Variants in CDK6 observed in about 807,000 individuals in gnomAD.
CDK6 encodes cyclin dependent kinase 6, also known as cyclin-dependent kinase 6.
CDK6 carries 6 observed loss-of-function variants against 37.1 expected under a neutral mutation model. That is an observed-to-expected ratio of 0.16 (90% CI 0.09 to 0.32). The LOEUF (loss-of-function observed/expected upper bound fraction) is 0.32. CDK6 is among the 10% of genes least tolerant of loss of function. The probability of loss-of-function intolerance (pLI) is 1.00; values close to 1 mark genes in which losing one functional copy is unlikely to be tolerated. For missense variants in CDK6, 224 were observed against 418.9 expected (o/e 0.53, Z 4.06); for synonymous variants, 160 against 161.3 (o/e 0.99, Z 0.06).
At chr7:92,796,366 G>T (rs896226121) in intron 2 of CDK6, among the ~76,000 whole-genome samples, 7 of 152,022 alleles carry the variant, frequency 4.6e-5, no homozygotes, top group African/African-American at 1.7e-4. Context: ...CTTGTTTCAA[G>T]ATACAAAAAT....
chr7:92,639,816 T>G (rs1474745190), intron 5 of CDK6, among the ~76,000 whole-genome samples: 1 of 152,218 alleles, frequency 6.6e-6, no homozygotes, highest in Non-Finnish European at 1.5e-5. Context: ...TTAACAGTCA[T>G]TTCCAACCAC....
At chr7:92,682,158 G>T (rs570458756) in intron 4 of CDK6, among the ~76,000 whole-genome samples, 1 of 151,968 alleles carries the variant, frequency 6.6e-6, no homozygotes, top group South Asian at 2.1e-4. Flanking sequence ...CTGCCACTCT[G>T]TCTTCTTTAC....
intron 5 of CDK6, among the ~76,000 whole-genome samples, chr7:92,665,436 T>TA (rs1299504890): frequency 6.6e-6 from 1 of 152,028 alleles, no homozygotes; most frequent in Non-Finnish European, 1.5e-5. Context: ...AGGAGAAAGA[T>TA]AAAAAAATGT....
intron 3 of CDK6, among the ~76,000 whole-genome samples, chr7:92,746,657 G>A (rs1205117842): frequency 1.3e-5 from 2 of 152,094 alleles, no homozygotes; most frequent in Admixed American, 6.6e-5. Context: ...AAGCATTTCA[G>A]ATAAGAGATA....
intron 3 of CDK6, among the ~76,000 whole-genome samples, chr7:92,733,512 T>C (rs2115593621): frequency 6.6e-6 from 1 of 152,354 alleles, no homozygotes; most frequent in South Asian, 2.1e-4. Flanking sequence ...TTTGTAACTG[T>C]CTTTTTCACA....
chr7:92,639,744 T>C (rs548062693), intron 5 of CDK6, among the ~76,000 whole-genome samples: 6 of 152,182 alleles, frequency 3.9e-5, no homozygotes, highest in Non-Finnish European at 8.8e-5. Context: ...TTCCTCCTGC[T>C]GGAAGCCTGG....
Position 92,694,610 on chromosome 7 carries a change from T to C in CDK6, c.538-23075A>G, listed in dbSNP as rs562918269. On this transcript the variant is annotated intron_variant, in intron 4 of 7. Coordinates refer to ENST00000424848, the MANE Select transcript of CDK6 (RefSeq NM_001145306.2). The stretch of plus-strand genomic sequence containing the variant: ...AAAAGGCAAAGCCACATATCACTTA[T>C]CAATGTAGCTACAGGCTAGAGAACA... Among the ~76,000 whole-genome samples the C allele has an allele frequency of 5.9e-5, 9 of 152,312 alleles. No individual in the cohort carries two copies. In the South Asian group the frequency reaches 1.7e-3, roughly 28 times the overall value.
intron 3 of CDK6, among the ~76,000 whole-genome samples, chr7:92,755,389 A>G (rs1188144716): frequency 6.6e-6 from 1 of 152,040 alleles, no homozygotes; most frequent in Non-Finnish European, 1.5e-5. Flanking sequence ...TGTGACAAGC[A>G]GAAATTAATG....
intron 4 of CDK6, among the ~76,000 whole-genome samples, chr7:92,722,204 T>C (rs1186477680): frequency 6.6e-6 from 1 of 152,174 alleles, no homozygotes; most frequent in East Asian, 1.9e-4. Flanking sequence ...AAAAGTTGTC[T>C]AGTAATTCAC....
chr7:92,753,342 T>C (rs1799231696), intron 3 of CDK6, among the ~76,000 whole-genome samples: 1 of 152,154 alleles, frequency 6.6e-6, no homozygotes, highest in South Asian at 2.1e-4. Context: ...CGCATTTATG[T>C]GTACCTTACT....
At chr7:92,694,103 A>T (rs1797656360) in intron 4 of CDK6, among the ~76,000 whole-genome samples, 1 of 152,206 alleles carries the variant, frequency 6.6e-6, no homozygotes, top group Non-Finnish European at 1.5e-5. Context: ...GGACTAAGGG[A>T]AAGAGTCCTT....
intron 2 of CDK6, among the ~76,000 whole-genome samples, chr7:92,826,282 C>A (rs1801310134): frequency 6.6e-6 from 1 of 152,066 alleles, no homozygotes; most frequent in African/African-American, 2.4e-5. Flanking sequence ...AGTTAACATT[C>A]CATCTTACAT....
rs532152644 is a variant in CDK6, at chr7:92,606,328, C to T, written c.*8812G>A. On this transcript the variant is annotated 3_prime_UTR_variant, in exon 8 of 8. Coordinates refer to ENST00000424848, the MANE Select transcript of CDK6 (RefSeq NM_001145306.2). ...CATGAGCACAGTCTGTGCCCAGCAT[C>T]AGGAACCATCTCTAGATGAATGTGG... 15 of 233,326 alleles carry T rather than the reference C, an allele frequency of 6.4e-5. No homozygotes were observed. In the South Asian group the frequency reaches 2.5e-3, roughly 39 times the overall value. 14.5% of individuals were successfully genotyped at this position (233,326 alleles called of 1,614,324 possible).
chr7:92,703,558 T>C (rs1186350123), intron 4 of CDK6, among the ~76,000 whole-genome samples: 3 of 152,176 alleles, frequency 2.0e-5, no homozygotes, highest in South Asian at 2.1e-4. Context: ...ATTCTCTAGA[T>C]AAACATCACA....
chr7:92,789,077 G>GACTGCATC (rs1350292969), intron 2 of CDK6, among the ~76,000 whole-genome samples: 1 of 152,092 alleles, frequency 6.6e-6, no homozygotes, highest in African/African-American at 2.4e-5. Flanking sequence ...AGTGAACTAT[G>GACTGCATC]ACTGCACCAC....
At chr7:92,643,053 C>T (rs186693772) in intron 5 of CDK6, among the ~76,000 whole-genome samples, 275 of 152,258 alleles carry the variant, frequency 1.8e-3, no homozygotes, top group Middle Eastern at 6.8e-3. Flanking sequence ...TACCACCACA[C>T]CTGACTAATT....
chr7:92,781,357 A>G (rs1203847696), intron 2 of CDK6, among the ~76,000 whole-genome samples: 1 of 152,226 alleles, frequency 6.6e-6, no homozygotes, highest in Non-Finnish European at 1.5e-5. Flanking sequence ...TAATTATCTA[A>G]TAACAAAATA....
chr7:92,827,143 A>G (rs1801344986), intron 2 of CDK6, among the ~76,000 whole-genome samples: 1 of 152,202 alleles, frequency 6.6e-6, no homozygotes, highest in Non-Finnish European at 1.5e-5. Flanking sequence ...AATTTTTTGC[A>G]TTCATAAAAC....
At chr7:92,762,350 C>T (rs1210724534) in intron 3 of CDK6, among the ~76,000 whole-genome samples, 1 of 152,118 alleles carries the variant, frequency 6.6e-6, no homozygotes, top group Non-Finnish European at 1.5e-5. Context: ...ACCCCATCCT[C>T]CCGACCCGGA....
Sources: gnomAD v4.1 joint callset for allele counts (sites outside exome capture counted in the v4.1 genomes callset) on GRCh38, gnomAD v4.1.1 for gene constraint, MANE v1.5 for transcripts, NCBI Gene and HGNC (gene_info 2026-07-23, HGNC 2026-07-21) for gene names.